PPP4R3B: variants seen among roughly 807,000 people sequenced by gnomAD.
PPP4R3B encodes the protein serine/threonine-protein phosphatase 4 regulatory subunit 3B.
PPP4R3B carries 52 observed loss-of-function variants against 95.4 expected under a neutral mutation model. That is an observed-to-expected ratio of 0.54 (90% CI 0.44 to 0.69). The LOEUF is 0.69. Among genes scored for constraint, PPP4R3B ranks in the 30% least tolerant of loss-of-function variants. PPP4R3B has a pLI of 0.00. For synonymous variants in PPP4R3B, 407 were observed against 343.9 expected, an observed-to-expected ratio of 1.18 and a Z score of -2.03; for missense variants, 1,003 against 1,005.9, an observed-to-expected ratio of 1.00 and a Z score of 0.04.
intron 12 of PPP4R3B, among the ~76,000 whole-genome samples, chr2:55,569,217 C>T (rs1450508136): frequency 2.6e-5 from 4 of 152,126 alleles, no homozygotes; most frequent in Non-Finnish European, 5.9e-5. Flanking sequence ...GCGGTAACAC[C>T]AGCGTCTGGG....
At chr2:55,563,052 A>G (rs1450352973) in intron 15 of PPP4R3B, among the ~76,000 whole-genome samples, 1 of 152,300 alleles carries the variant, frequency 6.6e-6, no homozygotes, top group East Asian at 1.9e-4. Flanking sequence ...ATCTCACTCA[A>G]CACTGGATAC....
intron 4 of PPP4R3B, among the ~76,000 whole-genome samples, chr2:55,594,302 T>TAAAAAA (rs35730010): frequency 3.2e-5 from 4 of 123,510 alleles, no homozygotes; most frequent in African/African-American, 6.2e-5. Flanking sequence ...GAATCTAAAA[T>TAAAAAA]AAAAAAAAAA....
At chr2:55,610,847 G>A (rs1198911911) in intron 2 of PPP4R3B, among the ~76,000 whole-genome samples, 1 of 150,234 alleles carries the variant, frequency 6.7e-6, no homozygotes, top group East Asian at 1.9e-4. Flanking sequence ...GTGTTAAATA[G>A]GTACACATTC....
At chr2:55,550,214 C>G (rs1685097457) in intron 16 of PPP4R3B, among the ~76,000 whole-genome samples, 3 of 152,224 alleles carry the variant, frequency 2.0e-5, no homozygotes, top group South Asian at 4.1e-4. Context: ...ACTTTTCTAT[C>G]TGGTTCTTGG....
Position 55,578,276 on chromosome 2 carries a change from T to C in PPP4R3B, c.1535A>G (p.His512Arg). Residue 512 changes from histidine to arginine, a missense_variant, in exon 10 of 17, where the codon CAT becomes CGT. By Grantham distance (29) the His-to-Arg change is conservative. Transcript: ENST00000616407. Reference protein sequence around the residue: ...FICTPSHSHSHSTPSSSISQD... With the variant: ...FICTPSHSHSRSTPSSSISQD... ...AGAGATGGAGGAAGAGGGGGTAGAA[T>C]GGGAATGGGAATGTGAAGGGGTACA... 1.4e-6 allele frequency: 2 copies of C among 1,480,864 alleles called. No individual in the cohort carries two copies. Among genetic ancestry groups the C allele is most frequent in the Non-Finnish European group, 1.8e-6 (2 of 1,113,234 alleles). The allele number at this position is 1,480,864 out of a possible 1,614,324, so 91.7% of individuals were successfully genotyped here.
intron 4 of PPP4R3B, among the ~76,000 whole-genome samples, chr2:55,596,646 GGACA>G (rs2103624060): frequency 6.6e-6 from 1 of 152,326 alleles, no homozygotes; most frequent in African/African-American, 2.4e-5. Context: ...AGTATTCACA[GGACA>G]GACAGGAAAA....
chr2:55,617,148 G>A lies in PPP4R3B; in HGVS notation c.138C>T (p.Ser46=), dbSNP rs1253818786. Residue 46 remains serine (S), a synonymous_variant, in exon 1 of 17, where the codon TCC becomes TCT. Transcript: ENST00000616407. ...CTACAGTTCCGATAACCTTACCGTCGGACTCTGCCCGAACCAGCAGCGACA... is the reference window on the plus strand; with the variant it reads ...CTACAGTTCCGATAACCTTACCGTCAGACTCTGCCCGAACCAGCAGCGACA... ...KGMSLLVRAE[S]DGSLLLESKI... 5 of 1,610,648 alleles carry A rather than the reference G, an allele frequency of 3.1e-6. No homozygotes were observed. The highest frequency in any genetic ancestry group is 2.2e-5 in the East Asian group (1 of 44,826).
At chr2:55,616,640 G>GCA (rs1694971839) in intron 1 of PPP4R3B, 1 of 152,300 alleles carries the variant, frequency 6.6e-6, no homozygotes, top group African/African-American at 2.4e-5. Context: ...ATGTATCGTG[G>GCA]CAACAGTCAG....
At chr2:55,577,424 T>G in intron 10 of PPP4R3B, 68 bp from the exon 11 acceptor site, 1 of 1,307,994 alleles carries the variant, frequency 7.6e-7, no homozygotes, top group Non-Finnish European at 9.9e-7. Flanking sequence ...CCTAGTACTT[T>G]ATAATATACA....
chr2:55,587,574 A>G (rs1690322469), intron 5 of PPP4R3B, among the ~76,000 whole-genome samples: 1 of 152,128 alleles, frequency 6.6e-6, no homozygotes, highest in South Asian at 2.1e-4. Context: ...ACAGAGCAAG[A>G]CTCTTTTTCG....
At position 55,598,599 on chromosome 2, in the gene PPP4R3B, T is replaced by G. The variant is rs1304023689; in HGVS notation, c.738A>C (p.Ala246=). The G allele has an allele frequency of 3.7e-6, 6 of 1,614,090 alleles. No homozygotes were observed. Among genetic ancestry groups the G allele is most frequent in the Non-Finnish European group, 5.1e-6 (6 of 1,180,046 alleles). The change falls in exon 4 of 17, where the codon GCA becomes GCC. Residue 246 remains alanine (A), a synonymous_variant. Transcript: ENST00000616407. ...TTATTGGTATAACTTCCTTGAACTT[T>G]GCAGTTTTGGTCAAGAATTCTCTAT... ...KRHREFLTKT[A]KFKEVIPITD... is the part of the protein sequence containing the mutation.
At chr2:55,612,975 G>T (rs1451815151) in intron 2 of PPP4R3B, among the ~76,000 whole-genome samples, 2 of 151,826 alleles carry the variant, frequency 1.3e-5, no homozygotes, top group East Asian at 1.9e-4. Context: ...GTCAAGCATG[G>T]TGGCTCACAT....
At chr2:55,555,296 AAG>A (rs1250541317) in intron 16 of PPP4R3B, among the ~76,000 whole-genome samples, 5 of 142,206 alleles carry the variant, frequency 3.5e-5, no homozygotes, top group Admixed American at 7.2e-5. Context: ...AAAAAAAAAA[AAG>A]AAAGAAAGAA....
chr2:55,587,803 T>C (rs75547266), intron 5 of PPP4R3B, among the ~76,000 whole-genome samples: 1 of 152,288 alleles, frequency 6.6e-6, no homozygotes, highest in East Asian at 1.9e-4. Context: ...ACATCAAAAC[T>C]TCTCTAGTCT....
chr2:55,594,193 G>C (rs555200054), intron 4 of PPP4R3B, among the ~76,000 whole-genome samples: 1 of 151,914 alleles, frequency 6.6e-6, no homozygotes, highest in African/African-American at 2.4e-5. Context: ...TTATCTACTG[G>C]GCACTGTGTT....
intron 11 of PPP4R3B, among the ~76,000 whole-genome samples, chr2:55,576,243 G>T (rs537467933): frequency 6.6e-6 from 1 of 152,312 alleles, no homozygotes; most frequent in South Asian, 2.1e-4. Flanking sequence ...CAGCTACTTG[G>T]GAGGCTGAGG....
intron 2 of PPP4R3B, among the ~76,000 whole-genome samples, chr2:55,604,818 A>G (rs112380701): frequency 6.6e-6 from 1 of 152,088 alleles, no homozygotes; most frequent in South Asian, 2.1e-4. Flanking sequence ...ACACACACAT[A>G]CACACAAATA....
In PPP4R3B at chr2:55,598,977, T is replaced by A. The variant is rs1692190883; in HGVS notation, c.360A>T (p.Glu120Asp). The A allele has an allele frequency of 6.2e-7, 1 of 1,613,884 alleles. No homozygotes were observed. Among genetic ancestry groups the A allele is most frequent in the African/African-American group, 1.3e-5 (1 of 74,922 alleles). ...TQDLIDESEE[E>D]RFEEMPETSH... ...TAGTTTCAGGCATTTCTTCAAATCG[T>A]TCTTCTTCAGATTCATCAATGAGGT... Residue 120 changes from glutamate to aspartate, a missense_variant, in exon 4 of 17, where the codon GAA becomes GAT. Transcript: ENST00000616407.
intron 12 of PPP4R3B, among the ~76,000 whole-genome samples, chr2:55,569,445 G>T (rs1185091224): frequency 6.6e-6 from 1 of 152,282 alleles, no homozygotes; most frequent in African/African-American, 2.4e-5. Context: ...TGTGCTTCAG[G>T]GGTCACGCTC....
Sources: allele counts gnomAD v4.1 joint callset (sites outside exome capture counted in the v4.1 genomes callset), GRCh38; gene constraint gnomAD v4.1.1; transcripts MANE v1.5; gene names NCBI Gene and HGNC (gene_info 2026-07-23, HGNC 2026-07-21).